STEAP1B: variants seen among roughly 807,000 people sequenced by gnomAD.
STEAP1B encodes the protein STEAP family member 1B, also known as STEAP family protein MGC87042.
STEAP1B carries 13 observed loss-of-function variants against 27.9 expected under a neutral mutation model. That is an observed-to-expected ratio of 0.47 (90% confidence interval 0.30 to 0.74). STEAP1B has a LOEUF of 0.74. Among genes scored for constraint, STEAP1B ranks in the 30% least tolerant of loss-of-function variants. STEAP1B has a pLI of 0.06. For missense variants in STEAP1B, 250 were observed against 298.7 expected, an observed-to-expected ratio of 0.84 and a Z score of 1.20; for synonymous variants, 86 against 107.1, an observed-to-expected ratio of 0.80 and a Z score of 1.22.
Position 22,492,727 on chromosome 7 carries a change from G to C in STEAP1B, c.600C>G (p.Val200=), listed in dbSNP as rs1786352697. 6.3e-7 allele frequency: 1 copy of C among 1,586,770 alleles called. No homozygotes were observed. Among genetic ancestry groups the C allele is most frequent in the African/African-American group, 1.4e-5 (1 of 73,274 alleles). Residue 200 remains valine, a splice_region_variant and synonymous_variant, in exon 4 of 5, where the codon GTC becomes GTG. Coordinates refer to ENST00000678116, the MANE Select transcript of STEAP1B (RefSeq NM_001382447.1). ...YKLLNWAYQQ[V]QQNKEDAWIE... Reference sequence around the variant, plus strand: ...TCCAGGCATCTTCTTTATTTTGTTGGACCTACCAGAAGGTAAATAAAGAAA... The same window carrying C: ...TCCAGGCATCTTCTTTATTTTGTTGCACCTACCAGAAGGTAAATAAAGAAA...
intron 4 of STEAP1B, among the ~76,000 whole-genome samples, chr7:22,456,026 AGTCCCAGCTACTC>A (rs1282075711): frequency 6.6e-6 from 1 of 152,114 alleles, no homozygotes; most frequent in Non-Finnish European, 1.5e-5. Flanking sequence ...GAGCGCCTGT[AGTCCCAGCTACTC>A]GTGAGGCTGA....
chr7:22,497,776 T>C (rs189505527), intron 1 of STEAP1B, among the ~76,000 whole-genome samples: 1 of 152,192 alleles, frequency 6.6e-6, no homozygotes, highest in East Asian at 1.9e-4. Flanking sequence ...CATGGTTCCA[T>C]AGGCTGTAAA....
chr7:22,499,363 G>A (rs1786495307), intron 1 of STEAP1B, among the ~76,000 whole-genome samples: 1 of 150,270 alleles, frequency 6.7e-6, no homozygotes, highest in South Asian at 2.1e-4. Flanking sequence ...ATTTAACTAA[G>A]TGAAGTCGAG....
intron 4 of STEAP1B, among the ~76,000 whole-genome samples, chr7:22,457,655 T>A (rs1280887272): frequency 1.3e-5 from 2 of 152,236 alleles, no homozygotes; most frequent in African/African-American, 4.8e-5. Flanking sequence ...TTCTTGCTAA[T>A]GCCAGCGTGC....
At chr7:22,456,973 T>TATATATATA (rs1554285707) in intron 4 of STEAP1B, among the ~76,000 whole-genome samples, 6 of 59,308 alleles carry the variant, frequency 1.0e-4, no homozygotes, top group African/African-American at 1.5e-4. Context: ...TATATATATA[T>TATATATATA]TTTTTTTTTT....
intron 4 of STEAP1B, among the ~76,000 whole-genome samples, chr7:22,487,647 T>C (rs2128415850): frequency 6.6e-6 from 1 of 151,068 alleles, no homozygotes; most frequent in East Asian, 2.0e-4. Flanking sequence ...TCTACTAAAA[T>C]TATAAAATTA....
chr7:22,430,974 T>G (rs1785180199), intron 4 of STEAP1B, among the ~76,000 whole-genome samples: 1 of 152,248 alleles, frequency 6.6e-6, no homozygotes. Context: ...GACATTGCAA[T>G]TATTCCTATC....
At chr7:22,486,058 T>A (rs1786203302) in intron 4 of STEAP1B, among the ~76,000 whole-genome samples, 1 of 152,212 alleles carries the variant, frequency 6.6e-6, no homozygotes, top group Admixed American at 6.5e-5. Flanking sequence ...TAAGATTACC[T>A]GGAGAGCTTA....
intron 4 of STEAP1B, among the ~76,000 whole-genome samples, chr7:22,441,282 T>TTTATGCATCA (rs1785329837): frequency 6.6e-6 from 1 of 152,188 alleles, no homozygotes; most frequent in African/African-American, 2.4e-5. Context: ...TGTCAGATTG[T>TTTATGCATCA]TTATGCATCA....
chr7:22,496,654 A>C (rs1167436401), intron 1 of STEAP1B, among the ~76,000 whole-genome samples: 1 of 152,244 alleles, frequency 6.6e-6, no homozygotes, highest in Non-Finnish European at 1.5e-5. Flanking sequence ...GCACGGTAAC[A>C]TGCTATACAG....
intron 4 of STEAP1B, among the ~76,000 whole-genome samples, chr7:22,431,812 G>A (rs2528838): frequency 0.99 from 150,988 of 152,310 alleles, 74,861 homozygotes; most frequent in East Asian, 1. Flanking sequence ...CTAGAAGGGC[G>A]ACTCCACTTG....
intron 4 of STEAP1B, among the ~76,000 whole-genome samples, chr7:22,431,874 C>T (rs186911295): frequency 6.6e-6 from 1 of 152,238 alleles, no homozygotes; most frequent in African/African-American, 2.4e-5. Flanking sequence ...ATTATTCCCT[C>T]CCTTATCCCA....
intron 1 of STEAP1B, among the ~76,000 whole-genome samples, chr7:22,497,741 A>T (rs567119713): frequency 6.6e-6 from 1 of 152,368 alleles, no homozygotes; most frequent in East Asian, 1.9e-4. Flanking sequence ...GGTAATTATT[A>T]TAAAGAAAGG....
At chr7:22,452,588 T>C (rs1785508978) in intron 4 of STEAP1B, among the ~76,000 whole-genome samples, 1 of 152,002 alleles carries the variant, frequency 6.6e-6, no homozygotes, top group Non-Finnish European at 1.5e-5. Context: ...AAGAGAAAAG[T>C]ACAGTTAAAG....
intron 4 of STEAP1B, among the ~76,000 whole-genome samples, chr7:22,421,396 A>G (rs1051171139): frequency 2.6e-5 from 4 of 152,246 alleles, no homozygotes; most frequent in African/African-American, 7.2e-5. Context: ...TGTGAGACAA[A>G]TATTTGTCCT....
chr7:22,492,484 T>C (rs1178370866), intron 4 of STEAP1B, 81 bp downstream of exon 4: 47 of 1,438,844 alleles, frequency 3.3e-5, no homozygotes, highest in Non-Finnish European at 3.7e-5. Context: ...TGTTATTTTT[T>C]ATGGGGTAAA....
chr7:22,485,451 G>A (rs1226080390), intron 4 of STEAP1B, among the ~76,000 whole-genome samples: 1 of 152,138 alleles, frequency 6.6e-6, no homozygotes, highest in Non-Finnish European at 1.5e-5. Context: ...TAGACATGAT[G>A]TTATTGTACA....
chr7:22,495,481 C>G (rs1375922271), intron 1 of STEAP1B: 1 of 139,444 alleles, frequency 7.2e-6, no homozygotes, highest in Non-Finnish European at 1.6e-5. Context: ...CTGGTCAACC[C>G]TGTGGAAAAA....
rs1445408276 is a variant in STEAP1B at position 22,499,296 on chromosome 7, T to C, written c.-32+818A>G. 3.3e-5 allele frequency among the ~76,000 whole-genome samples: 5 copies of C among 152,322 alleles called. No homozygotes were observed. In the South Asian group the frequency reaches 6.2e-4, roughly 19 times the overall value. On this transcript the variant is annotated intron_variant, in intron 1 of 4. Transcript: ENST00000678116. ...GAAGAAACCCAATGCCTGGAATACA[T>C]TGTGGGTTGCACTGCATTTCCAACC... is the stretch of plus-strand genomic sequence containing the variant.
Sources: allele counts gnomAD v4.1 joint callset (sites outside exome capture counted in the v4.1 genomes callset), GRCh38; gene constraint gnomAD v4.1.1; transcripts MANE v1.5; gene names NCBI Gene and HGNC (gene_info 2026-07-23, HGNC 2026-07-21).